Variants in SMYD3 observed in about 807,000 individuals in gnomAD.
SMYD3 encodes SET and MYND domain containing 3.
In SMYD3, 36 loss-of-function variants were observed where a neutral mutation model predicts 57.7. The observed-to-expected ratio is 0.62, with a 90% confidence interval of 0.48 to 0.82. The LOEUF (loss-of-function observed/expected upper bound fraction) is 0.82, where lower values mean the gene tolerates loss of function less well. Ranked by LOEUF, SMYD3 falls within the 40% of genes least tolerant of loss-of-function variation. The pLI is 0.00. For synonymous variants in SMYD3, 211 were observed against 195.0 expected (o/e 1.08, Z -0.68); for missense variants, 515 against 538.8 (o/e 0.96, Z 0.44).
chr1:246,020,946 G>C lies in SMYD3; in HGVS notation c.532-91009C>G, dbSNP rs367987944. ...CTCTTCTTAAGGCCTACCTGCATGA[G>C]CATGTACCTGTTCATACAGCTCCCA... On this transcript the variant is annotated intron_variant, in intron 5 of 11. Coordinates refer to ENST00000490107, the MANE Select transcript of SMYD3 (RefSeq NM_001167740.2). Among the ~76,000 whole-genome samples, 28 of 152,244 alleles carry C rather than the reference G, an allele frequency of 1.8e-4. No individual in the cohort carries two copies. In the South Asian group the frequency reaches 5.6e-3, roughly 30 times the overall value.
chr1:245,930,199 A>G (rs374380228), intron 5 of SMYD3: 1 of 514,606 alleles, frequency 1.9e-6, no homozygotes, highest in African/African-American at 2.0e-5. Flanking sequence ...CAGCAGAGGA[A>G]CCATTAATTT....
chr1:245,994,648 G>C (rs10802313), intron 5 of SMYD3, among the ~76,000 whole-genome samples: 76,889 of 151,972 alleles, frequency 0.51, 23,298 homozygotes, highest in Middle Eastern at 0.69. Context: ...TCAGAAATAG[G>C]GGAGGGCCTT....
At chr1:246,373,602 CAATATAAAAAGCA>C in intron 1 of SMYD3, among the ~76,000 whole-genome samples, 1 of 152,174 alleles carries the variant, frequency 6.6e-6, no homozygotes, top group South Asian at 2.1e-4. Context: ...ATATCTTCCA[CAATATAAAAAGCA>C]ATCATTTCAG....
At chr1:245,973,213 T>A (rs992653660) in intron 5 of SMYD3, among the ~76,000 whole-genome samples, 2 of 152,224 alleles carry the variant, frequency 1.3e-5, no homozygotes, top group African/African-American at 4.8e-5. Context: ...GCACATGCCC[T>A]ATTGAAGGAC....
At chr1:246,304,056 T>C (rs1291284791) in intron 5 of SMYD3, among the ~76,000 whole-genome samples, 1 of 152,180 alleles carries the variant, frequency 6.6e-6, no homozygotes, top group African/African-American at 2.4e-5. Flanking sequence ...AAACAAAATA[T>C]AACATCACAA....
chr1:246,253,175 GTA>G (rs1370324917), intron 5 of SMYD3, among the ~76,000 whole-genome samples: 8 of 152,080 alleles, frequency 5.3e-5, no homozygotes, highest in Non-Finnish European at 1.5e-5. Flanking sequence ...TGTTACCAGG[GTA>G]TATTACATGA....
chr1:245,977,627 C>T (rs949357841), intron 5 of SMYD3, among the ~76,000 whole-genome samples: 5 of 152,038 alleles, frequency 3.3e-5, no homozygotes, highest in Admixed American at 2.6e-4. Context: ...TGCAGTGAGC[C>T]GAGATCGTGC....
intron 1 of SMYD3, among the ~76,000 whole-genome samples, chr1:246,418,641 T>C (rs1302475571): frequency 6.6e-6 from 1 of 152,180 alleles, no homozygotes; most frequent in African/African-American, 2.4e-5. Context: ...AAGGTTTTAT[T>C]GAGTAAAGTA....
intron 10 of SMYD3, among the ~76,000 whole-genome samples, chr1:245,848,401 A>G (rs2050776770): frequency 6.6e-6 from 1 of 151,420 alleles, no homozygotes; most frequent in African/African-American, 2.4e-5. Flanking sequence ...GCCTACAGGC[A>G]TGAGCCACCT....
At chr1:246,457,882 C>T (rs994211632) in intron 1 of SMYD3, among the ~76,000 whole-genome samples, 1 of 152,218 alleles carries the variant, frequency 6.6e-6, no homozygotes, top group East Asian at 1.9e-4. Flanking sequence ...ACTACTGATT[C>T]TTTCCAAAAG....
chr1:246,017,506 C>T (rs1026640942), intron 5 of SMYD3, among the ~76,000 whole-genome samples: 4 of 152,250 alleles, frequency 2.6e-5, no homozygotes, highest in East Asian at 1.9e-4. Context: ...TTGTATAATG[C>T]GTCTCAGTTT....
At chr1:246,328,704 T>C (rs1260618863) in intron 4 of SMYD3, among the ~76,000 whole-genome samples, 1 of 151,752 alleles carries the variant, frequency 6.6e-6, no homozygotes, top group Non-Finnish European at 1.5e-5. Context: ...TTTATTATTA[T>C]TATATTTTAA....
chr1:246,154,215 T>C (rs987970515), intron 5 of SMYD3, among the ~76,000 whole-genome samples: 2 of 152,230 alleles, frequency 1.3e-5, no homozygotes, highest in African/African-American at 2.4e-5. Context: ...GATGGCTTCA[T>C]TGTGCCATCC....
Position 246,325,298 on chromosome 1 carries a change from T to A in SMYD3, c.531+1903A>T, listed in dbSNP as rs66880267. 1.8e-4 allele frequency among the ~76,000 whole-genome samples: 2 copies of A among 11,050 alleles called. 1 individual carries two copies. The highest frequency in any genetic ancestry group is 3.4e-4 in the Non-Finnish European group (2 of 5,960). The allele number at this position is 11,050 out of a possible 152,430, so 7.2% of individuals were successfully genotyped here. On this transcript the variant is annotated intron_variant, in intron 5 of 11. Transcript: ENST00000490107. ...GGGGCGGGAAGGAGGGAGAAGGAGT[T>A]GGGGGGGCGGGAAGGAGGGGAGTGA...
intron 5 of SMYD3, among the ~76,000 whole-genome samples, chr1:246,214,904 T>C (rs1054207193): frequency 6.6e-6 from 1 of 152,324 alleles, no homozygotes; most frequent in African/African-American, 2.4e-5. Context: ...AAAACTTATA[T>C]ATATGCTCTA....
At chr1:246,211,763 T>C (rs139849068) in intron 5 of SMYD3, among the ~76,000 whole-genome samples, 67 of 152,268 alleles carry the variant, frequency 4.4e-4, no homozygotes, top group Middle Eastern at 3.4e-3. Flanking sequence ...GCTTGAAGTA[T>C]ATACGTGCAG....
chr1:246,203,558 G>C lies in SMYD3; in HGVS notation c.531+123643C>G, dbSNP rs952178906. Among the ~76,000 whole-genome samples, 1 of 152,210 alleles carries C rather than the reference G, an allele frequency of 6.6e-6. No homozygotes were observed. Among genetic ancestry groups the C allele is most frequent in the Non-Finnish European group, 1.5e-5 (1 of 68,034 alleles). ...TGTCTTGCTGCCTCCTGACACGGCA[G>C]TCCCTCTGCGCACATGTGCTGTTGG... On this transcript the variant is annotated intron_variant, in intron 5 of 11. Transcript: ENST00000490107. This position sits in a 1 kb window ranked among gnomAD's most constrained non-coding sequence, Gnocchi z 4.6.
chr1:246,102,268 T>C (rs942278455), intron 5 of SMYD3, among the ~76,000 whole-genome samples: 3 of 152,176 alleles, frequency 2.0e-5, no homozygotes, highest in African/African-American at 7.2e-5. Flanking sequence ...TTATTAACTC[T>C]TTAGTCTGTC....
intron 1 of SMYD3, among the ~76,000 whole-genome samples, chr1:246,458,107 C>A (rs2067731036): frequency 6.6e-6 from 1 of 152,150 alleles, no homozygotes. Context: ...GCTCAGGACT[C>A]CATGTTGTGC....
Sources: allele counts gnomAD v4.1 joint callset (sites outside exome capture counted in the v4.1 genomes callset), GRCh38; gene constraint gnomAD v4.1.1; non-coding constraint Gnocchi (gnomAD v3.1); transcripts MANE v1.5; gene names NCBI Gene and HGNC (gene_info 2026-07-23, HGNC 2026-07-21).